Variants in HS6ST1 observed in about 807,000 individuals in gnomAD.
HS6ST1 encodes the protein heparan-sulfate 6-O-sulfotransferase 1.
A neutral mutation model predicts 25.2 loss-of-function variants in HS6ST1; 3 were observed. The observed-to-expected ratio is 0.12, with a 90% CI of 0.05 to 0.31. The LOEUF is 0.31. HS6ST1 is among the 10% of genes least tolerant of loss of function. The pLI is 1.00. For synonymous variants in HS6ST1, 204 were observed against 275.1 expected, an observed-to-expected ratio of 0.74 and a Z score of 2.56; for missense variants, 310 against 609.6, an observed-to-expected ratio of 0.51 and a Z score of 5.18.
At chr2:128,306,312 G>A (rs555112340) in intron 1 of HS6ST1, among the ~76,000 whole-genome samples, 1 of 152,124 alleles carries the variant, frequency 6.6e-6, no homozygotes, top group African/African-American at 2.4e-5. Flanking sequence ...GCGCCGCTGC[G>A]AAGATTTCTC....
chr2:128,282,266 C>T (rs1045600064), intron 1 of HS6ST1, among the ~76,000 whole-genome samples: 5 of 152,204 alleles, frequency 3.3e-5, no homozygotes, highest in South Asian at 2.1e-4. Context: ...GCAGTGAAGA[C>T]GCGGCAGTAC....
chr2:128,308,519 G>T (rs1373929489), intron 1 of HS6ST1, among the ~76,000 whole-genome samples: 1 of 152,220 alleles, frequency 6.6e-6, no homozygotes, highest in Admixed American at 6.5e-5. Context: ...GTGGGGTCAG[G>T]CTGCCACCCA....
intron 1 of HS6ST1, among the ~76,000 whole-genome samples, chr2:128,284,398 T>C (rs1380126865): frequency 6.6e-6 from 1 of 151,904 alleles, no homozygotes; most frequent in Non-Finnish European, 1.5e-5. Context: ...CCTCCCACAT[T>C]ACACCCATGG....
At chr2:128,316,090 A>AG (rs889566713) in intron 1 of HS6ST1, among the ~76,000 whole-genome samples, 6 of 152,212 alleles carry the variant, frequency 3.9e-5, no homozygotes, top group African/African-American at 1.4e-4. Flanking sequence ...CTCCCTGGGC[A>AG]GGGGGAGCCG....
chr2:128,271,150 C>A (rs1693603271), intron 1 of HS6ST1, among the ~76,000 whole-genome samples: 1 of 152,232 alleles, frequency 6.6e-6, no homozygotes, highest in Non-Finnish European at 1.5e-5. Context: ...GACTGGAAGA[C>A]CTGCAGAGCA....
Position 128,273,475 on chromosome 2 carries a change from T to C in HS6ST1, c.528-4605A>G, listed in dbSNP as rs542967085. On this transcript the variant is annotated intron_variant, in intron 1 of 1. Transcript: ENST00000259241. ...CCTTGGCCACCGTCCAGTTCCTACC[T>C]ACACCTGCCTGAACGGTATGGAAGC... 1.1e-4 allele frequency among the ~76,000 whole-genome samples: 16 copies of C among 152,328 alleles called. No homozygotes were observed. In the South Asian group the frequency reaches 2.1e-3, roughly 20 times the overall value.
At chr2:128,300,253 G>A (rs1307373173) in intron 1 of HS6ST1, among the ~76,000 whole-genome samples, 2 of 152,192 alleles carry the variant, frequency 1.3e-5, no homozygotes, top group Non-Finnish European at 2.9e-5. Context: ...CCACACAGCG[G>A]AGCCTGCCCT....
At chr2:128,287,267 GGAT>G (rs1366153591) in intron 1 of HS6ST1, among the ~76,000 whole-genome samples, 1 of 152,182 alleles carries the variant, frequency 6.6e-6, no homozygotes, top group Non-Finnish European at 1.5e-5. Context: ...GCACCTCAGT[GGAT>G]ATATCCAGGG....
intron 1 of HS6ST1, among the ~76,000 whole-genome samples, chr2:128,271,957 G>C (rs1439895339): frequency 6.6e-6 from 1 of 152,196 alleles, no homozygotes; most frequent in Non-Finnish European, 1.5e-5. Flanking sequence ...GGCACCTTGG[G>C]AAGGGCCAAG....
At chr2:128,281,834 G>A (rs1693795023) in intron 1 of HS6ST1, among the ~76,000 whole-genome samples, 1 of 152,206 alleles carries the variant, frequency 6.6e-6, no homozygotes, top group African/African-American at 2.4e-5. Context: ...TTAATTTACT[G>A]AACTCCTGGC....
intron 1 of HS6ST1, among the ~76,000 whole-genome samples, chr2:128,286,886 C>G (rs901001651): frequency 2.0e-5 from 3 of 152,192 alleles, no homozygotes; most frequent in Non-Finnish European, 4.4e-5. Flanking sequence ...CAAGGCCCCA[C>G]CTGGTTGCCT....
intron 1 of HS6ST1, among the ~76,000 whole-genome samples, chr2:128,317,051 C>A (rs1445754187): frequency 6.6e-6 from 1 of 152,226 alleles, no homozygotes; most frequent in Non-Finnish European, 1.5e-5. Context: ...CTGGCCCTTC[C>A]CAGCCCAGAC....
At chr2:128,306,540 T>A (rs917222161) in intron 1 of HS6ST1, among the ~76,000 whole-genome samples, 1 of 152,186 alleles carries the variant, frequency 6.6e-6, no homozygotes, top group African/African-American at 2.4e-5. Context: ...AGAGGGGAGA[T>A]GCTCCCCCTG....
chr2:128,309,208 A>C (rs1364004200), intron 1 of HS6ST1, among the ~76,000 whole-genome samples: 1 of 152,128 alleles, frequency 6.6e-6, no homozygotes, highest in African/African-American at 2.4e-5. Context: ...TACCCATAGA[A>C]CCTTCTGTCC....
chr2:128,285,535 G>A (rs1394637148), intron 1 of HS6ST1, among the ~76,000 whole-genome samples: 1 of 152,230 alleles, frequency 6.6e-6, no homozygotes, highest in Non-Finnish European at 1.5e-5. Context: ...CTGCTACCCT[G>A]AGGACTCAGC....
At chr2:128,272,683 C>T (rs1365025922) in intron 1 of HS6ST1, among the ~76,000 whole-genome samples, 1 of 152,072 alleles carries the variant, frequency 6.6e-6, no homozygotes, top group Non-Finnish European at 1.5e-5. Flanking sequence ...GAAGAGGGCT[C>T]GATTTTCTGG....
At chr2:128,296,399 T>C (rs976483583) in intron 1 of HS6ST1, among the ~76,000 whole-genome samples, 3 of 152,140 alleles carry the variant, frequency 2.0e-5, no homozygotes, top group Non-Finnish European at 2.9e-5. Flanking sequence ...GGTATTCAGA[T>C]TGGAAAGAAA....
intron 1 of HS6ST1, among the ~76,000 whole-genome samples, chr2:128,276,537 C>T (rs1558869617): frequency 6.6e-6 from 1 of 152,168 alleles, no homozygotes; most frequent in Non-Finnish European, 1.5e-5. Context: ...CAGTGGCTTA[C>T]GTGGTGCTGA....
chr2:128,269,163 C>T (rs942304641), intron 1 of HS6ST1, among the ~76,000 whole-genome samples: 6 of 152,216 alleles, frequency 3.9e-5, no homozygotes, highest in African/African-American at 1.2e-4. Context: ...CCACCAATAC[C>T]GCATCCAGAG....
Sources: allele counts gnomAD v4.1 joint callset (sites outside exome capture counted in the v4.1 genomes callset), GRCh38; gene constraint gnomAD v4.1.1; transcripts MANE v1.5; gene names NCBI Gene and HGNC (gene_info 2026-07-23, HGNC 2026-07-21).